DLC1: variants seen among roughly 807,000 people sequenced by gnomAD.
DLC1 encodes rho GTPase-activating protein 7.
Under a neutral mutation model 140.3 loss-of-function variants are expected in DLC1, and 54 were observed. The observed-to-expected ratio is 0.38, with a 90% CI of 0.31 to 0.48. The LOEUF (loss-of-function observed/expected upper bound fraction) is 0.48. Among genes scored for constraint, DLC1 ranks in the 20% least tolerant of loss-of-function variants. The pLI is 0.96. For synonymous variants in DLC1, 986 were observed against 728.1 expected (o/e 1.35, Z -5.70); for missense variants, 2,536 against 1,907.0 (o/e 1.33, Z -6.14).
At chr8:13,298,878 T>A (rs1832069633) in intron 5 of DLC1, among the ~76,000 whole-genome samples, 1 of 152,196 alleles carries the variant, frequency 6.6e-6, no homozygotes, top group South Asian at 2.1e-4. Flanking sequence ...GTTGAAACTA[T>A]TTTTTTAAGC....
At chr8:13,427,856 A>G (rs1052189127) in intron 2 of DLC1, among the ~76,000 whole-genome samples, 1 of 152,176 alleles carries the variant, frequency 6.6e-6, no homozygotes, top group Non-Finnish European at 1.5e-5. Context: ...AAGCTCTGGG[A>G]TGCAGGAATG....
intron 5 of DLC1, among the ~76,000 whole-genome samples, chr8:13,295,828 G>A (rs991797724): frequency 2.0e-5 from 3 of 150,516 alleles, no homozygotes; most frequent in Admixed American, 1.3e-4. Flanking sequence ...TTGTGGGTAC[G>A]TATTTGTGTA....
intron 1 of DLC1, among the ~76,000 whole-genome samples, chr8:13,579,807 C>T (rs1585297838): frequency 6.6e-6 from 1 of 151,438 alleles, no homozygotes; most frequent in South Asian, 2.1e-4. Context: ...GAAGTGTGGC[C>T]CTCTGCATAG....
chr8:13,456,411 CAGGTAGT>C (rs1799392422), intron 2 of DLC1, among the ~76,000 whole-genome samples: 1 of 152,004 alleles, frequency 6.6e-6, no homozygotes, highest in Admixed American at 6.6e-5. Flanking sequence ...TGGGAGTTGA[CAGGTAGT>C]AGATCTCCAA....
intron 5 of DLC1, among the ~76,000 whole-genome samples, chr8:13,209,427 T>C (rs1290621536): frequency 2.6e-5 from 4 of 152,150 alleles, no homozygotes; most frequent in Admixed American, 1.3e-4. Flanking sequence ...GCTCACTCAC[T>C]AGTGGATGAC....
intron 2 of DLC1, among the ~76,000 whole-genome samples, chr8:13,434,495 C>T (rs1331600881): frequency 6.6e-6 from 1 of 151,902 alleles, no homozygotes; most frequent in Non-Finnish European, 1.5e-5. Flanking sequence ...TGTGTTCATG[C>T]ACATGTGTGT....
chr8:13,326,342 G>T (rs1435317322), intron 4 of DLC1, among the ~76,000 whole-genome samples: 1 of 152,190 alleles, frequency 6.6e-6, no homozygotes, highest in Non-Finnish European at 1.5e-5. Context: ...ATATACCTCA[G>T]CTGACCTCTA....
chr8:13,102,736 C>CT, intron 8 of DLC1, 54 bp downstream of exon 8: 3 of 1,495,580 alleles, frequency 2.0e-6, no homozygotes, highest in Non-Finnish European at 2.8e-6. Flanking sequence ...ACATCATTCA[C>CT]TTTTTTGTTT....
intron 2 of DLC1, among the ~76,000 whole-genome samples, chr8:13,470,271 C>G (rs1361618636): frequency 1.3e-5 from 2 of 152,078 alleles, no homozygotes; most frequent in Non-Finnish European, 2.9e-5. Context: ...GCACAATGTA[C>G]TAGCTAACTA....
At chr8:13,344,769 A>G (rs969983704) in intron 4 of DLC1, among the ~76,000 whole-genome samples, 4 of 152,012 alleles carry the variant, frequency 2.6e-5, no homozygotes, top group African/African-American at 4.8e-5. Context: ...CAATATTTAG[A>G]TTTTTTTCCT....
chr8:13,450,683 A>G (rs188025953), intron 2 of DLC1, among the ~76,000 whole-genome samples: 36 of 152,260 alleles, frequency 2.4e-4, no homozygotes, highest in African/African-American at 7.7e-4. Context: ...GTTTTCATGA[A>G]TAAGTCTTGC....
chr8:13,219,500 A>T (rs188152499), intron 5 of DLC1, among the ~76,000 whole-genome samples: 1 of 149,356 alleles, frequency 6.7e-6, no homozygotes, highest in Admixed American at 6.7e-5. Context: ...TATTTAACTT[A>T]CTAAGAAACT....
At chr8:13,582,216 C>A (rs556919549) in intron 1 of DLC1, among the ~76,000 whole-genome samples, 5 of 152,246 alleles carry the variant, frequency 3.3e-5, no homozygotes, top group African/African-American at 1.2e-4. Context: ...TTTTAAGGAA[C>A]TGGCAGTGAG....
intron 5 of DLC1, chr8:13,304,751 T>C: frequency 2.1e-6 from 2 of 956,992 alleles, no homozygotes; most frequent in Non-Finnish European, 2.5e-6. Flanking sequence ...CTTGTCCATT[T>C]CCCATAATAC....
At chr8:13,497,550 C>G (rs1801570481) in intron 2 of DLC1, among the ~76,000 whole-genome samples, 1 of 152,086 alleles carries the variant, frequency 6.6e-6, no homozygotes, top group Non-Finnish European at 1.5e-5. Context: ...AGTGACATGT[C>G]CAAGAGTAAA....
Position 13,100,041 on chromosome 8 carries a change from T to G in DLC1, c.2296A>C (p.Ser766Arg). The G allele has an allele frequency of 6.2e-7, 1 of 1,613,234 alleles. No homozygotes were observed. Among genetic ancestry groups the G allele is most frequent in the African/African-American group, 1.3e-5 (1 of 75,070 alleles). ...ATGCCCACCCGCTTGTTGCACGCAC[T>G]GAGGCTCCGGGTCCTCGTAACAGGG... ...PSPVTRTRSL[S>R]ACNKRVGMYL... is the part of the protein sequence containing the mutation. The change falls in exon 9 of 18, where the codon AGT becomes CGT. Residue 766 changes from serine to arginine, a missense_variant. Ser to Arg is a moderately radical substitution (Grantham distance 110). Coordinates refer to ENST00000276297, the MANE Select transcript of DLC1 (RefSeq NM_182643.3).
chr8:13,458,056 T>G (rs1799491786), intron 2 of DLC1, among the ~76,000 whole-genome samples: 1 of 152,092 alleles, frequency 6.6e-6, no homozygotes, highest in South Asian at 2.1e-4. Flanking sequence ...TATGTGAAAA[T>G]TAAAGGCTCT....
chr8:13,397,564 C>A (rs1487725080), intron 3 of DLC1, among the ~76,000 whole-genome samples: 3 of 152,002 alleles, frequency 2.0e-5, no homozygotes, highest in Non-Finnish European at 4.4e-5. Flanking sequence ...TATGATGACT[C>A]ATGCCTGTCA....
intron 4 of DLC1, among the ~76,000 whole-genome samples, chr8:13,338,238 G>T (rs1232384876): frequency 6.6e-6 from 1 of 152,056 alleles, no homozygotes; most frequent in Non-Finnish European, 1.5e-5. Flanking sequence ...CAGGTTTGTG[G>T]GAAAATCAAG....
Sources: allele counts gnomAD v4.1 joint callset (sites outside exome capture counted in the v4.1 genomes callset), GRCh38; gene constraint gnomAD v4.1.1; transcripts MANE v1.5; gene names NCBI Gene and HGNC (gene_info 2026-07-23, HGNC 2026-07-21).